The following NDUFAF1 variants were observed in gnomAD, a reference collection of about 807,000 sequenced individuals.
The protein encoded by NDUFAF1 is complex I intermediate-associated protein 30, mitochondrial.
NDUFAF1 carries 18 observed loss-of-function variants against 28.7 expected under a neutral mutation model. The observed-to-expected ratio is 0.63, with a 90% CI of 0.43 to 0.93. The LOEUF is 0.93. Among genes scored for constraint, NDUFAF1 ranks in the 40% least tolerant of loss-of-function variants. The pLI, the probability that NDUFAF1 is intolerant of heterozygous loss-of-function variation, is 0.00. For missense variants in NDUFAF1, 404 were observed against 398.3 expected, an observed-to-expected ratio of 1.01 and a Z score of -0.12; for synonymous variants, 113 against 139.7, an observed-to-expected ratio of 0.81 and a Z score of 1.35.
At chr15:41,398,183 C>A (rs1396478988) in intron 1 of NDUFAF1, among the ~76,000 whole-genome samples, 7 of 148,006 alleles carry the variant, frequency 4.7e-5, no homozygotes, top group East Asian at 2.0e-4. Context: ...TTTTTTTTTT[C>A]TTTTCTTTTT....
chr15:41,395,723 G>A (rs1210048186), intron 2 of NDUFAF1, among the ~76,000 whole-genome samples: 2 of 140,374 alleles, frequency 1.4e-5, no homozygotes, highest in Non-Finnish European at 3.0e-5. Flanking sequence ...TGCCCAGACT[G>A]GAGTGCAATG....
Position 41,388,507 on chromosome 15 carries a change from A to G in NDUFAF1, c.775T>C (p.Phe259Leu). Residue 259 changes from phenylalanine (F) to leucine (L), a missense_variant, in exon 4 of 5, where the codon TTT (phenylalanine) becomes CTT (leucine). Coordinates refer to ENST00000260361, the MANE Select transcript of NDUFAF1 (RefSeq NM_016013.4). ...ATTCTTCCTCGATTAGAGAAGAAAAATTTGGAAAAAGGAATCTGAAAGAAG... is the reference window on the plus strand; with the variant it reads ...ATTCTTCCTCGATTAGAGAAGAAAAGTTTGGAAAAAGGAATCTGAAAGAAG... Reference protein sequence around the residue: ...WQEVKIPFSKFFFSNRGRIRD... With the variant: ...WQEVKIPFSKLFFSNRGRIRD... 2.5e-6 allele frequency: 4 copies of G among 1,612,052 alleles called. No homozygotes were observed. Among genetic ancestry groups the G allele is most frequent in the Non-Finnish European group, 3.4e-6 (4 of 1,178,146 alleles).
intron 1 of NDUFAF1, among the ~76,000 whole-genome samples, chr15:41,398,495 A>G (rs571976159): frequency 8.3e-4 from 126 of 151,366 alleles, no homozygotes; most frequent in African/African-American, 2.8e-3. Context: ...AAAAAAAAAA[A>G]AGAGACAGGG....
In NDUFAF1 at chr15:41,387,402, C is replaced by T. The variant is rs772121665; in HGVS notation, c.*42G>A. The T allele has an allele frequency of 4.5e-6, 7 of 1,567,296 alleles. No homozygotes were observed. Among genetic ancestry groups the T allele is most frequent in the South Asian group, 4.4e-5 (4 of 90,124 alleles). On this transcript the variant is annotated 3_prime_UTR_variant, in exon 5 of 5. Transcript: ENST00000260361. ...TATTTTGTCTATATCATTGTAGATG[C>T]TAGTACCCTTAGATTAGTAAAACAA...
chr15:41,397,182 G>C, intron 1 of NDUFAF1, 42 bp from the exon 2 acceptor site: 1 of 725,514 alleles, frequency 1.4e-6, no homozygotes, highest in Non-Finnish European at 2.3e-6. Context: ...GCATAGCAAT[G>C]AATGCATCAC....
In NDUFAF1 at chr15:41,401,267, C is replaced by CTTTTT. The variant is rs755063294; in HGVS notation, c.-82+872_-82+876dup. On this transcript the variant is annotated intron_variant, in intron 1 of 4. Coordinates refer to ENST00000260361, the MANE Select transcript of NDUFAF1 (RefSeq NM_016013.4). ...ACAGGCGTCAGCCACGGCGCCCAAC[C>CTTTTT]TTTTTTTTTTTTTTTTTTTTTGAGA... is the stretch of plus-strand genomic sequence containing the variant. Among the ~76,000 whole-genome samples the CTTTTT allele has an allele frequency of 1.5e-4, 17 of 111,218 alleles. 2 individuals are homozygous for CTTTTT. Among genetic ancestry groups the CTTTTT allele is most frequent in the Admixed American group, 2.0e-4 (2 of 9,798 alleles). 73.0% of individuals were successfully genotyped at this position (111,218 alleles called of 152,430 possible).
chr15:41,396,399 C>T, intron 2 of NDUFAF1, 88 bp downstream of exon 2: 1 of 1,345,656 alleles, frequency 7.4e-7, no homozygotes, highest in East Asian at 2.4e-5. Context: ...TTTTCATTTA[C>T]AGAAACAAAA....
rs200813281 is a variant in NDUFAF1, at chr15:41,387,637, C to T, written c.835-44G>A. 177 of 1,501,950 alleles carry T rather than the reference C, an allele frequency of 1.2e-4. 1 individual carries two copies. Among genetic ancestry groups the T allele is most frequent in the African/African-American group, 5.5e-5 (4 of 72,682 alleles). 93.0% of individuals were successfully genotyped at this position (1,501,950 alleles called of 1,614,324 possible). A position where few individuals can be genotyped will look rare whatever the true frequency, so the allele number is the denominator to read the frequency against. On this transcript the variant is annotated intron_variant, in intron 4 of 4. Transcript: ENST00000260361. ...AATTGATTAAAATCTCATACAGTGA[C>T]GTACTGAGATTATTCCAGGAGTTTA... is the stretch of plus-strand genomic sequence containing the variant.
At chr15:41,394,745 T>C (rs1026935396) in intron 3 of NDUFAF1, 114 bp downstream of exon 3, 40 of 1,000,620 alleles carry the variant, frequency 4.0e-5, no homozygotes, top group Non-Finnish European at 5.7e-5. Flanking sequence ...CTCGAACTCC[T>C]GACCTCAGGT....
intron 3 of NDUFAF1, among the ~76,000 whole-genome samples, chr15:41,393,680 A>G (rs1386066793): frequency 9.3e-5 from 14 of 150,764 alleles, no homozygotes; most frequent in Non-Finnish European, 1.9e-4. Flanking sequence ...TCCCAGGTTC[A>G]AGCGATTCTC....
chr15:41,388,932 A>G (rs1419680200), intron 3 of NDUFAF1, among the ~76,000 whole-genome samples: 3 of 152,124 alleles, frequency 2.0e-5, no homozygotes, highest in Non-Finnish European at 4.4e-5. Flanking sequence ...TCCTTCCTAC[A>G]TTAGAAACTG....
At chr15:41,391,541 A>AG (rs2050316239) in intron 3 of NDUFAF1, among the ~76,000 whole-genome samples, 1 of 151,416 alleles carries the variant, frequency 6.6e-6, no homozygotes, top group South Asian at 2.1e-4. Flanking sequence ...TGGAAGGCAA[A>AG]GGTTGCCGTA....
At chr15:41,387,663 A>G in intron 4 of NDUFAF1, 70 bp from the exon 5 acceptor site, 1 of 1,333,496 alleles carries the variant, frequency 7.5e-7, no homozygotes, top group Non-Finnish European at 1.1e-6. Flanking sequence ...CAGGAGTTTA[A>G]AATCCCATCA....
intron 3 of NDUFAF1, 72 bp from the exon 4 acceptor site, chr15:41,388,594 TA>T: frequency 1.0e-6 from 1 of 970,640 alleles, no homozygotes; most frequent in South Asian, 1.3e-5. Flanking sequence ...ATTGTAACGA[TA>T]AAATGAGTTT....
At chr15:41,397,722 C>G (rs1212981087) in intron 1 of NDUFAF1, among the ~76,000 whole-genome samples, 1 of 150,610 alleles carries the variant, frequency 6.6e-6, no homozygotes, top group Non-Finnish European at 1.5e-5. Context: ...TAGCGTCAAC[C>G]CAGGAGGCAG....
intron 1 of NDUFAF1, among the ~76,000 whole-genome samples, chr15:41,401,204 G>A (rs558365492): frequency 6.6e-6 from 1 of 151,320 alleles, no homozygotes; most frequent in African/African-American, 2.4e-5. Flanking sequence ...CTGACCTCAG[G>A]TGATCCGCCT....
intron 3 of NDUFAF1, among the ~76,000 whole-genome samples, chr15:41,392,715 C>T (rs1229447376): frequency 6.6e-6 from 1 of 152,134 alleles, no homozygotes; most frequent in Non-Finnish European, 1.5e-5. Flanking sequence ...GTCAATTAAA[C>T]CTCTTTCCTT....
chr15:41,393,205 A>G (rs1207313321), intron 3 of NDUFAF1, among the ~76,000 whole-genome samples: 4 of 142,594 alleles, frequency 2.8e-5, no homozygotes, highest in Non-Finnish European at 6.1e-5. Context: ...GCTTACTGCA[A>G]CCTCCACCTC....
rs201302970 is a variant in NDUFAF1, at chr15:41,396,899, T to A, written c.161A>T (p.Lys54Met). 1 of 1,614,204 alleles carries A rather than the reference T, an allele frequency of 6.2e-7. No homozygotes were observed. The highest frequency in any genetic ancestry group is 1.3e-5 in the African/African-American group (1 of 75,062). The part of the protein sequence containing the change: ...ASPGKASSQR[K>M]TEGDLQGDHQ... ...ATCTCCTTGCAAATCCCCTTCAGTC[T>A]TCCTCTGTGAGGAGGCTTTGCCAGG... Residue 54 changes from lysine (K) to methionine (M), a missense_variant, in exon 2 of 5, where the codon AAG becomes ATG. By Grantham distance (95) the Lys-to-Met change is moderately conservative (BLOSUM62 -1). Coordinates refer to ENST00000260361, the MANE Select transcript of NDUFAF1 (RefSeq NM_016013.4).
Sources: gnomAD v4.1 joint callset for allele counts (sites outside exome capture counted in the v4.1 genomes callset) on GRCh38, gnomAD v4.1.1 for gene constraint, MANE v1.5 for transcripts, NCBI Gene and HGNC (gene_info 2026-07-23, HGNC 2026-07-21) for gene names.